LRP2: variants seen among roughly 807,000 people sequenced by gnomAD.
LRP2 encodes low-density lipoprotein receptor-related protein 2.
LRP2 carries 172 observed loss-of-function variants against 531.0 expected under a neutral mutation model. The ratio of observed to expected loss-of-function variants is 0.32; its 90% confidence interval spans 0.29 to 0.37. The LOEUF (loss-of-function observed/expected upper bound fraction) is 0.37, where lower values mean the gene tolerates loss of function less well. Among genes scored for constraint, LRP2 ranks in the 10% least tolerant of loss-of-function variants. LRP2 has a pLI of 1.00. For synonymous variants in LRP2, 1,992 were observed against 2,027.6 expected (o/e 0.98, Z 0.47); for missense variants, 5,167 against 5,868.3 (o/e 0.88, Z 3.90).
rs925149123 is a variant in LRP2, at chr2:169,128,518, GAC to G, written c.*143_*144del. On this transcript the variant is annotated 3_prime_UTR_variant, in exon 79 of 79. Coordinates refer to ENST00000649046, the MANE Select transcript of LRP2 (RefSeq NM_004525.3). ...ATATGAGACGGCATAAGTAAAAAAA[GAC>G]ACACAGGATACCTCCAACTATAGGC... The G allele has an allele frequency of 2.8e-6, 2 of 722,844 alleles. No homozygotes were observed. Among genetic ancestry groups the G allele is most frequent in the African/African-American group, 3.6e-5 (2 of 55,986 alleles). The allele number at this position is 722,844 out of a possible 1,614,324, so 44.8% of individuals were successfully genotyped here.
chr2:169,247,338 C>T, intron 20 of LRP2, 40 bp downstream of exon 20: 2 of 1,609,234 alleles, frequency 1.2e-6, no homozygotes, highest in Non-Finnish European at 1.7e-6. Context: ...ATAAATAAAC[C>T]CATACAAAAA....
intron 30 of LRP2, 72 bp downstream of exon 30, chr2:169,233,338 TG>T: frequency 6.6e-7 from 1 of 1,517,274 alleles, no homozygotes; most frequent in South Asian, 1.1e-5. Context: ...TCTGTAACAG[TG>T]TGCATTTAGC....
intron 31 of LRP2, among the ~76,000 whole-genome samples, chr2:169,230,778 T>C (rs1466617775): frequency 6.6e-6 from 1 of 152,212 alleles, no homozygotes; most frequent in Non-Finnish European, 1.5e-5. Flanking sequence ...CTTCTTTTCT[T>C]ACTCCCTTAA....
rs1049853892 is a variant in LRP2, at chr2:169,289,165, T to G, written c.923-20A>C. 37 of 1,613,680 alleles carry G rather than the reference T, an allele frequency of 2.3e-5. No individual in the cohort carries two copies. In the East Asian group the frequency reaches 8.3e-4, roughly 36 times the overall value. On this transcript the variant is annotated intron_variant, in intron 8 of 78. Coordinates refer to ENST00000649046, the MANE Select transcript of LRP2 (RefSeq NM_004525.3). Reference sequence around the variant, plus strand: ...TCATACCTAAACGAAGAAAAGAACTTTGTTAAATGAATGGTGACCTCTGGA... The same window carrying G: ...TCATACCTAAACGAAGAAAAGAACTGTGTTAAATGAATGGTGACCTCTGGA...
intron 1 of LRP2, among the ~76,000 whole-genome samples, chr2:169,352,882 G>A (rs550758310): frequency 1.4e-4 from 22 of 151,994 alleles, no homozygotes; most frequent in African/African-American, 5.3e-4. Flanking sequence ...GGGGGTGGGG[G>A]CCAAGGGAAG....
chr2:169,130,405 A>G (rs1685241957), intron 77 of LRP2, among the ~76,000 whole-genome samples: 1 of 150,640 alleles, frequency 6.6e-6, no homozygotes, highest in African/African-American at 2.5e-5. Flanking sequence ...CTCCCACCTC[A>G]GCCTCCTGAA....
chr2:169,281,442 C>T (rs1242775881), intron 10 of LRP2, among the ~76,000 whole-genome samples: 4 of 147,760 alleles, frequency 2.7e-5, no homozygotes, highest in African/African-American at 7.5e-5. Context: ...TAAATAAGGC[C>T]GGATGCGGTG....
intron 69 of LRP2, among the ~76,000 whole-genome samples, chr2:169,146,285 G>A (rs950945027): frequency 6.6e-6 from 1 of 152,162 alleles, no homozygotes; most frequent in Non-Finnish European, 1.5e-5. Flanking sequence ...TAGGAAAAAT[G>A]TGATATGTGC....
chr2:169,226,032 T>G (rs1255023389), intron 32 of LRP2, among the ~76,000 whole-genome samples: 1 of 152,224 alleles, frequency 6.6e-6, no homozygotes, highest in East Asian at 1.9e-4. Context: ...TTGATCATTT[T>G]TATATTCGTC....
At chr2:169,326,931 G>T (rs1345331077) in intron 1 of LRP2, among the ~76,000 whole-genome samples, 2 of 150,536 alleles carry the variant, frequency 1.3e-5, no homozygotes, top group African/African-American at 2.5e-5. Flanking sequence ...GGTGAGGAGC[G>T]TCTCTGCCCA....
At chr2:169,210,678 T>C (rs1314157771) in intron 37 of LRP2, among the ~76,000 whole-genome samples, 2 of 152,194 alleles carry the variant, frequency 1.3e-5, no homozygotes, top group Non-Finnish European at 2.9e-5. Flanking sequence ...TAATGAGATA[T>C]TCCCAGTGCA....
At chr2:169,275,698 T>C (rs1683534336) in intron 13 of LRP2, among the ~76,000 whole-genome samples, 1 of 152,154 alleles carries the variant, frequency 6.6e-6, no homozygotes, top group South Asian at 2.1e-4. Context: ...AGCAGGACAG[T>C]GAGTGGTAGG....
chr2:169,293,344 C>A (rs11887007), intron 6 of LRP2, among the ~76,000 whole-genome samples: 73,792 of 152,008 alleles, frequency 0.49, 19,090 homozygotes, highest in Non-Finnish European at 0.59. Context: ...GCAAGGTCAG[C>A]GTGAAGAAGT....
At chr2:169,245,072 A>T (rs1317190612) in intron 21 of LRP2, 140 bp from the exon 22 acceptor site, 2 of 911,756 alleles carry the variant, frequency 2.2e-6, no homozygotes, top group Non-Finnish European at 3.5e-6. Flanking sequence ...AAGTGATGTC[A>T]TCATCACTAA....
At position 169,244,067 on chromosome 2, in the gene LRP2, T is replaced by A. The variant is rs559024878; in HGVS notation, c.3431-545A>T. ...TGAAATTATATTAAATACACACTTA[T>A]AGGGTATGAAAGCTAGAAGGGATCT... On this transcript the variant is annotated intron_variant, in intron 22 of 78. Transcript: ENST00000649046. 2.6e-5 allele frequency among the ~76,000 whole-genome samples: 4 copies of A among 152,332 alleles called. No homozygotes were observed. In the East Asian group the frequency reaches 7.7e-4, roughly 29 times the overall value.
chr2:169,201,018 G>C (rs1450012623), intron 44 of LRP2, among the ~76,000 whole-genome samples: 1 of 152,184 alleles, frequency 6.6e-6, no homozygotes, highest in East Asian at 1.9e-4. Context: ...AATTGCACCT[G>C]TTATGATCAA....
chr2:169,198,217 C>T (rs1688070144), intron 45 of LRP2, among the ~76,000 whole-genome samples: 1 of 151,888 alleles, frequency 6.6e-6, no homozygotes, highest in African/African-American at 2.4e-5. Flanking sequence ...AGTTCCAGAC[C>T]AGCCTGGGTA....
intron 32 of LRP2, 23 bp from the exon 33 acceptor site, chr2:169,225,476 G>A (rs749427602): frequency 6.2e-7 from 1 of 1,613,540 alleles, no homozygotes; most frequent in Admixed American, 1.7e-5. Context: ...ACAAGGGGAG[G>A]TGAGCAGTTC....
At position 169,151,012 on chromosome 2, in the gene LRP2, G is replaced by A. The variant is rs147846992; in HGVS notation, c.12476C>T (p.Ser4159Leu). The change falls in exon 68 of 79, where the codon TCA (serine) becomes TTA (leucine). Residue 4159 changes from serine to leucine, a missense_variant. Ser to Leu is a moderately radical substitution (Grantham distance 145). This residue lies in a region of LRP2 where 564 missense variants were observed against 747.7 expected (regional missense o/e 0.75). Coordinates refer to ENST00000649046, the MANE Select transcript of LRP2 (RefSeq NM_004525.3). ...CTCAATGCGTTTATTCTTGACATCT[G>A]ACCAGTAAATATGCCTGAATTCAGA... Reference protein sequence around the residue: ...VDWVGRHIYWSDVKNKRIEVA... With the variant: ...VDWVGRHIYWLDVKNKRIEVA... The A allele has an allele frequency of 1.9e-5, 31 of 1,613,964 alleles. No homozygotes were observed. The African/African-American group carries it at 3.1e-4, about 16-fold the overall frequency.
Sources: allele counts gnomAD v4.1 joint callset (sites outside exome capture counted in the v4.1 genomes callset), GRCh38; gene constraint gnomAD v4.1.1; regional missense constraint gnomAD v4.1.1; transcripts MANE v1.5; gene names NCBI Gene and HGNC (gene_info 2026-07-23, HGNC 2026-07-21).